Variants in BBS5 observed in about 807,000 individuals in gnomAD.
The protein encoded by BBS5 is BBSome complex member BBS5.
In BBS5, 39 loss-of-function variants were observed where a neutral mutation model predicts 50.2. The ratio of observed to expected loss-of-function variants is 0.78; its 90% confidence interval spans 0.60 to 1.01. The LOEUF is 1.01. Ranked by LOEUF, BBS5 falls within the 50% of genes least tolerant of loss-of-function variation. The probability of loss-of-function intolerance (pLI) is 0.00; values close to 1 mark genes in which losing one functional copy is unlikely to be tolerated. For synonymous variants in BBS5, 134 were observed against 133.1 expected (o/e 1.01, Z -0.05); for missense variants, 356 against 401.5 (o/e 0.89, Z 0.97).
At chr2:169,500,249 T>C (rs1296778512) in intron 9 of BBS5, among the ~76,000 whole-genome samples, 2 of 152,228 alleles carry the variant, frequency 1.3e-5, no homozygotes, top group Non-Finnish European at 2.9e-5. Context: ...CTATCAGTGA[T>C]TTCCTCACTA....
intron 1 of BBS5, among the ~76,000 whole-genome samples, chr2:169,480,101 G>A (rs935874050): frequency 8.5e-5 from 13 of 152,134 alleles, no homozygotes; most frequent in Admixed American, 3.3e-4. Context: ...GTAAAATAAG[G>A]GAGGTGGGAG....
chr2:169,489,667 G>T (rs72885832), intron 5 of BBS5, among the ~76,000 whole-genome samples: 1 of 148,944 alleles, frequency 6.7e-6, no homozygotes, highest in Non-Finnish European at 1.5e-5. Context: ...TCACTACCTC[G>T]GCTTTTTTTC....
chr2:169,491,191 T>A (rs1408135946), intron 5 of BBS5, among the ~76,000 whole-genome samples: 1 of 152,212 alleles, frequency 6.6e-6, no homozygotes, highest in Non-Finnish European at 1.5e-5. Flanking sequence ...AAACCTTAGC[T>A]CTTTATTTCA....
Position 169,497,682 on chromosome 2 carries a change from C to A in BBS5, c.674C>A (p.Ser225Tyr). The change falls in exon 8 of 12, where the codon TCT becomes TAT. Residue 225 changes from serine (S) to tyrosine (Y), a missense_variant. Transcript: ENST00000295240. ...KFGLALVIES[S>Y]QQSGGYVLGF... is the part of the protein sequence containing the mutation. The stretch of plus-strand genomic sequence containing the variant: ...GGTTTAGCTCTTGTCATAGAAAGCT[C>A]TCAGCAGGTAAGATCTTGTATATTT... The A allele has an allele frequency of 6.3e-7, 1 of 1,585,652 alleles. No individual in the cohort carries two copies. Among genetic ancestry groups the A allele is most frequent in the South Asian group, 1.1e-5 (1 of 90,224 alleles).
chr2:169,479,836 T>G (rs1683357017), intron 1 of BBS5, among the ~76,000 whole-genome samples: 1 of 152,178 alleles, frequency 6.6e-6, no homozygotes, highest in Non-Finnish European at 1.5e-5. Flanking sequence ...TACACAGTTT[T>G]GGTCCCATGC....
intron 2 of BBS5, among the ~76,000 whole-genome samples, chr2:169,482,945 G>T (rs1683426113): frequency 6.6e-6 from 1 of 152,124 alleles, no homozygotes; most frequent in South Asian, 2.1e-4. Context: ...TATCTGTGGA[G>T]CCAGTGACCA....
At chr2:169,491,538 A>G (rs563509789) in intron 5 of BBS5, among the ~76,000 whole-genome samples, 6 of 152,366 alleles carry the variant, frequency 3.9e-5, no homozygotes, top group Admixed American at 2.0e-4. Context: ...CCTGTTTTAT[A>G]TGAAATATTA....
chr2:169,495,538 A>C (rs1574340709), intron 7 of BBS5, among the ~76,000 whole-genome samples: 1 of 151,934 alleles, frequency 6.6e-6, no homozygotes, highest in African/African-American at 2.4e-5. Context: ...CATTACCCTG[A>C]CCCCACTCCT....
At chr2:169,486,854 C>T (rs909849961) in intron 2 of BBS5, among the ~76,000 whole-genome samples, 1 of 152,120 alleles carries the variant, frequency 6.6e-6, no homozygotes, top group Admixed American at 6.5e-5. Context: ...ATCTGTATCC[C>T]TTATATAACT....
At chr2:169,488,832 G>A (rs562778197) in intron 5 of BBS5, among the ~76,000 whole-genome samples, 6 of 152,264 alleles carry the variant, frequency 3.9e-5, no homozygotes, top group South Asian at 4.1e-4. Context: ...ACCAAGGTAG[G>A]TAAAGTGAAA....
Position 169,479,579 on chromosome 2 carries a change from A to T in BBS5, c.26A>T (p.Glu9Val). The T allele has an allele frequency of 6.2e-7, 1 of 1,614,090 alleles. No homozygotes were observed. Among genetic ancestry groups the T allele is most frequent in the Non-Finnish European group, 8.5e-7 (1 of 1,179,984 alleles). Residue 9 changes from glutamate (E) to valine (V), a missense_variant, in exon 1 of 12, where the codon GAG becomes GTG. Transcript: ENST00000295240. MSVLDALW[E>V]DRDVRFDLSA... ...ATGTCGGTGCTGGATGCGCTTTGGG[A>T]GGATCGGGATGTCCGTTTCGACCTG...
chr2:169,489,473 AAT>A (rs201764832), intron 5 of BBS5, among the ~76,000 whole-genome samples: 6 of 150,140 alleles, frequency 4.0e-5, no homozygotes, highest in Non-Finnish European at 8.9e-5. Flanking sequence ...AAAAAAAAAA[AAT>A]TTTTTTTTTT....
chr2:169,488,671 T>A (rs1373936839), intron 5 of BBS5, among the ~76,000 whole-genome samples: 1 of 152,238 alleles, frequency 6.6e-6, no homozygotes, highest in Non-Finnish European at 1.5e-5. Flanking sequence ...AGTGTGGTAC[T>A]GTCTTCCTCC....
rs1194355583 is a variant in BBS5 at position 169,504,806 on chromosome 2, G to C, written c.*224G>C. 3 of 1,560,436 alleles carry C rather than the reference G, an allele frequency of 1.9e-6. No homozygotes were observed. Among genetic ancestry groups the C allele is most frequent in the African/African-American group, 2.8e-5 (2 of 70,936 alleles). On this transcript the variant is annotated 3_prime_UTR_variant, in exon 12 of 12. Coordinates refer to ENST00000295240, the MANE Select transcript of BBS5 (RefSeq NM_152384.3). Reference sequence around the variant, plus strand: ...CACATGGCCTAGTAACCGTCCGGCCGCGGCGCTGGCTTAAGCCATGGCTGA... The same window carrying C: ...CACATGGCCTAGTAACCGTCCGGCCCCGGCGCTGGCTTAAGCCATGGCTGA...
At position 169,504,912 on chromosome 2, in the gene BBS5, A is replaced by T. The variant is rs1683877087; in HGVS notation, c.*330A>T. ...CTGCAAATTCGCCCAGCCAATGGGG[A>T]CGTTGCGGCCCAGTGGGTGGAGGTC... On this transcript the variant is annotated 3_prime_UTR_variant, in exon 12 of 12. Transcript: ENST00000295240. 5 of 1,613,634 alleles carry T rather than the reference A, an allele frequency of 3.1e-6. No homozygotes were observed. The highest frequency in any genetic ancestry group is 1.7e-5 in the Admixed American group (1 of 60,002).
chr2:169,479,608 G>T lies in BBS5; in HGVS notation c.55G>T (p.Ala19Ser). The T allele has an allele frequency of 6.2e-7, 1 of 1,614,140 alleles. No homozygotes were observed. Among genetic ancestry groups the T allele is most frequent in the Admixed American group, 1.7e-5 (1 of 60,028 alleles). Residue 19 changes from alanine (A) to serine (S), a missense_variant, in exon 1 of 12, where the codon GCG becomes TCG. Coordinates refer to ENST00000295240, the MANE Select transcript of BBS5 (RefSeq NM_152384.3). ...TCGGGATGTCCGTTTCGACCTGTCC[G>T]CGCAGTGAGTTTCCAAGATTCCCGA... ...EDRDVRFDLS[A>S]QQMKTRPGEV...
At chr2:169,503,446 G>A (rs947649845) in intron 10 of BBS5, among the ~76,000 whole-genome samples, 4 of 152,088 alleles carry the variant, frequency 2.6e-5, no homozygotes, top group Non-Finnish European at 5.9e-5. Flanking sequence ...GATCGCTTGA[G>A]AGGATAGGAG....
chr2:169,489,739 A>G (rs1384786907), intron 5 of BBS5, among the ~76,000 whole-genome samples: 1 of 151,344 alleles, frequency 6.6e-6, no homozygotes, highest in Non-Finnish European at 1.5e-5. Context: ...GACAGGATAT[A>G]GACACATAGG....
chr2:169,498,613 C>T (rs1351546626), intron 8 of BBS5, among the ~76,000 whole-genome samples: 1 of 151,788 alleles, frequency 6.6e-6, no homozygotes, highest in Non-Finnish European at 1.5e-5. Context: ...GTCAGGAGAT[C>T]GAGACCACGG....
Sources: allele counts gnomAD v4.1 joint callset (sites outside exome capture counted in the v4.1 genomes callset), GRCh38; gene constraint gnomAD v4.1.1; transcripts MANE v1.5; gene names NCBI Gene and HGNC (gene_info 2026-07-23, HGNC 2026-07-21).